ZNF426: variants seen among roughly 807,000 people sequenced by gnomAD.
ZNF426 encodes the protein CTC-543D15.7.
In ZNF426, 23 loss-of-function variants were observed where a neutral mutation model predicts 24.0. That is an observed-to-expected ratio of 0.96 (90% CI 0.69 to 1.36). The LOEUF (loss-of-function observed/expected upper bound fraction) is 1.36, where lower values mean the gene tolerates loss of function less well. Ranked by LOEUF, ZNF426 falls within the 40% of genes most tolerant of loss-of-function variation. The pLI is 0.00. For synonymous variants in ZNF426, 272 were observed against 224.6 expected, an observed-to-expected ratio of 1.21 and a Z score of -1.89; for missense variants, 646 against 658.4, an observed-to-expected ratio of 0.98 and a Z score of 0.21.
At chr19:9,532,726 T>G in intron 6 of ZNF426, 119 bp downstream of exon 6, 1 of 672,844 alleles carries the variant, frequency 1.5e-6, no homozygotes, top group Admixed American at 2.9e-5. Flanking sequence ...TTTCCTAACT[T>G]TCTCTAAACC....
Position 9,524,563 on chromosome 19 carries a change from C to A in ZNF426, c.*3817G>T, listed in dbSNP as rs1337876099. 2 of 152,078 alleles carry A rather than the reference C, an allele frequency of 1.3e-5. No homozygotes were observed. Among genetic ancestry groups the A allele is most frequent in the Non-Finnish European group, 2.9e-5 (2 of 68,028 alleles). The allele number at this position is 152,078 out of a possible 1,614,324, so 9.4% of individuals were successfully genotyped here. A position where few individuals can be genotyped will look rare whatever the true frequency, so the allele number is the denominator to read the frequency against. ...TTGGGAGGTCAAACCAGGCAGATCA[C>A]TGGAGGTCAGGAGTTCGAGACCAGC... On this transcript the variant is annotated 3_prime_UTR_variant, in exon 8 of 8. Coordinates refer to ENST00000253115, the MANE Select transcript of ZNF426 (RefSeq NM_024106.3).
rs1278051919 is a variant in ZNF426, at chr19:9,524,646, T to G, written c.*3734A>C. ...AAAATACAAAATTAGCTGGGCATGG[T>G]GGTACATGCCTGTAATCCCAGCTAC... On this transcript the variant is annotated 3_prime_UTR_variant, in exon 8 of 8. Transcript: ENST00000253115. 1 of 152,068 alleles carries G rather than the reference T, an allele frequency of 6.6e-6. No homozygotes were observed. The highest frequency in any genetic ancestry group is 6.6e-5 in the Admixed American group (1 of 15,258). The allele number at this position is 152,068 out of a possible 1,614,324, so 9.4% of individuals were successfully genotyped here. A position where few individuals can be genotyped will look rare whatever the true frequency, so the allele number is the denominator to read the frequency against.
intron 3 of ZNF426, 133 bp downstream of exon 3, chr19:9,536,075 G>C (rs2073961051): frequency 9.1e-7 from 1 of 1,102,972 alleles, no homozygotes; most frequent in Middle Eastern, 2.3e-4. Flanking sequence ...TGACTCACAA[G>C]ACAGCACGTT....
rs1456103310 is a variant in ZNF426 at position 9,523,817 on chromosome 19, A to G, written c.*4563T>C. On this transcript the variant is annotated 3_prime_UTR_variant, in exon 8 of 8. Transcript: ENST00000253115. The stretch of plus-strand genomic sequence containing the variant: ...GACAGAAAGTTGAGCTCAGGCAGTA[A>G]TGTTTGCTCATCCTACATTCACCTC... 6.6e-6 allele frequency: 1 copy of G among 152,264 alleles called. No individual in the cohort carries two copies. Among genetic ancestry groups the G allele is most frequent in the East Asian group, 1.9e-4 (1 of 5,194 alleles). 9.4% of individuals were successfully genotyped at this position (152,264 alleles called of 1,614,324 possible). A position where few individuals can be genotyped will look rare whatever the true frequency, so the allele number is the denominator to read the frequency against.
In ZNF426 at chr19:9,529,424, G is replaced by A. The variant is rs777596748; in HGVS notation, c.621C>T (p.Ser207=). The A allele has an allele frequency of 1.2e-6, 2 of 1,613,586 alleles. No individual in the cohort carries two copies. The highest frequency in any genetic ancestry group is 2.2e-5 in the East Asian group (1 of 44,882). ...TCTGGTATACAATATTTGGTGTCAG[G>A]CTGAAGATTTTTTCACTCTGATTAA... ...SEFNQSEKIF[S]LTPNIVYQRT... Residue 207 remains serine, a synonymous_variant, in exon 8 of 8, where the codon AGC becomes AGT. Coordinates refer to ENST00000253115, the MANE Select transcript of ZNF426 (RefSeq NM_024106.3).
At position 9,526,078 on chromosome 19, in the gene ZNF426, A is replaced by C. The variant is rs1259467227; in HGVS notation, c.*2302T>G. On this transcript the variant is annotated 3_prime_UTR_variant, in exon 8 of 8. Coordinates refer to ENST00000253115, the MANE Select transcript of ZNF426 (RefSeq NM_024106.3). ...TCCTGACCCAACTAAAGGGTGGGAA[A>C]AACTGAAGTTCACAGTGCAGAAGCA... 6.6e-6 allele frequency: 1 copy of C among 152,018 alleles called. No homozygotes were observed. Among genetic ancestry groups the C allele is most frequent in the East Asian group, 1.9e-4 (1 of 5,176 alleles). 9.4% of individuals were successfully genotyped at this position (152,018 alleles called of 1,614,324 possible). A position where few individuals can be genotyped will look rare whatever the true frequency, so the allele number is the denominator to read the frequency against.
chr19:9,536,428 C>A, intron 2 of ZNF426, 72 bp from the exon 3 acceptor site: 1 of 1,419,240 alleles, frequency 7.0e-7, no homozygotes, highest in South Asian at 1.4e-5. Flanking sequence ...CCGGCTGGGG[C>A]AGTAGCTCAT....
At chr19:9,534,671 T>A (rs2073938148) in intron 4 of ZNF426, among the ~76,000 whole-genome samples, 3 of 152,030 alleles carry the variant, frequency 2.0e-5, no homozygotes, top group Admixed American at 1.3e-4. Context: ...CACAGCTCAC[T>A]GCAGCCTCAA....
In ZNF426 at chr19:9,532,875, A is replaced by G; in HGVS notation, c.295T>C (p.Ser99Pro). ...AGAACTCCTCCCTGAACTGTCCTTG[A>G]CTCTTCTTGTTCCAACCAAGAGATT... ...SLISWLEQEE[S>P]RTVQGGVLQG... The change falls in exon 6 of 8, where the codon TCA (serine) becomes CCA (proline). Residue 99 changes from serine (S) to proline (P), a missense_variant. Transcript: ENST00000253115. 6.2e-7 allele frequency: 1 copy of G among 1,613,804 alleles called. No individual in the cohort carries two copies. Among genetic ancestry groups the G allele is most frequent in the South Asian group, 1.1e-5 (1 of 91,058 alleles).
chr19:9,526,514 G>T lies in ZNF426; in HGVS notation c.*1866C>A, dbSNP rs962808781. Reference sequence around the variant, plus strand: ...CTTTGGTAGGCTTATTATTGGCCAAGAAACAGCCAACTAAAGAGCTTGAGA... The same window carrying T: ...CTTTGGTAGGCTTATTATTGGCCAATAAACAGCCAACTAAAGAGCTTGAGA... On this transcript the variant is annotated 3_prime_UTR_variant, in exon 8 of 8. Coordinates refer to ENST00000253115, the MANE Select transcript of ZNF426 (RefSeq NM_024106.3). 1.3e-5 allele frequency: 2 copies of T among 151,978 alleles called. No individual in the cohort carries two copies. The highest frequency in any genetic ancestry group is 4.8e-5 in the African/African-American group (2 of 41,364). The allele number at this position is 151,978 out of a possible 1,614,324, so 9.4% of individuals were successfully genotyped here. A position where few individuals can be genotyped will look rare whatever the true frequency, so the allele number is the denominator to read the frequency against.
chr19:9,529,764 C>G (rs1013799470), intron 7 of ZNF426, 128 bp from the exon 8 acceptor site: 29 of 836,100 alleles, frequency 3.5e-5, no homozygotes, highest in Non-Finnish European at 5.1e-5. Context: ...CATTCAGGTC[C>G]TTCCCTGTAG....
Position 9,527,003 on chromosome 19 carries a change from T to G in ZNF426, c.*1377A>C, listed in dbSNP as rs2073800025. ...AATGTATTAGATTACATATGCTAAT[T>G]TGTGTGTGTTTATAGGCATAAAAGT... is the stretch of plus-strand genomic sequence containing the variant. On this transcript the variant is annotated 3_prime_UTR_variant, in exon 8 of 8. Coordinates refer to ENST00000253115, the MANE Select transcript of ZNF426 (RefSeq NM_024106.3). 1 of 152,166 alleles carries G rather than the reference T, an allele frequency of 6.6e-6. No homozygotes were observed. The highest frequency in any genetic ancestry group is 6.6e-5 in the Admixed American group (1 of 15,264). 9.4% of individuals were successfully genotyped at this position (152,166 alleles called of 1,614,324 possible). A position where few individuals can be genotyped will look rare whatever the true frequency, so the allele number is the denominator to read the frequency against.
intron 5 of ZNF426, among the ~76,000 whole-genome samples, chr19:9,533,195 C>CT: frequency 6.6e-6 from 1 of 152,154 alleles, no homozygotes; most frequent in East Asian, 1.9e-4. Flanking sequence ...CCTGTAATCC[C>CT]AGCACTTTGG....
rs1286031985 is a variant in ZNF426 at position 9,529,475 on chromosome 19, G to C, written c.570C>G (p.Thr190=). ...GKDFLTLCEK[T]STGEKLSEFN... ...ACTCAGAAAGTTTCTCACCAGTAGA[G>C]GTTTTCTCACACAGGGTAAGGAAAT... Residue 190 remains threonine (T), a synonymous_variant, in exon 8 of 8, where the codon ACC becomes ACG. Coordinates refer to ENST00000253115, the MANE Select transcript of ZNF426 (RefSeq NM_024106.3). 2 of 1,614,000 alleles carry C rather than the reference G, an allele frequency of 1.2e-6. No individual in the cohort carries two copies. Among genetic ancestry groups the C allele is most frequent in the Middle Eastern group, 3.3e-4 (2 of 6,062 alleles).
At chr19:9,533,161 A>C (rs947606849) in intron 5 of ZNF426, among the ~76,000 whole-genome samples, 2 of 152,162 alleles carry the variant, frequency 1.3e-5, no homozygotes, top group African/African-American at 4.8e-5. Context: ...AACACAAAAT[A>C]ATGGCCGAGT....
Position 9,529,425 on chromosome 19 carries a change from C to A in ZNF426, c.620G>T (p.Ser207Ile), listed in dbSNP as rs749082633. The A allele has an allele frequency of 3.1e-6, 5 of 1,613,690 alleles. No individual in the cohort carries two copies. Among genetic ancestry groups the A allele is most frequent in the Non-Finnish European group, 4.2e-6 (5 of 1,179,890 alleles). ...CTGGTATACAATATTTGGTGTCAGG[C>A]TGAAGATTTTTTCACTCTGATTAAA... ...SEFNQSEKIFSLTPNIVYQRT... is the reference protein window; with the variant it reads ...SEFNQSEKIFILTPNIVYQRT... The change falls in exon 8 of 8, where the codon AGC becomes ATC. Residue 207 changes from serine to isoleucine, a missense_variant. Coordinates refer to ENST00000253115, the MANE Select transcript of ZNF426 (RefSeq NM_024106.3).
rs2073800969 is a variant in ZNF426 at position 9,527,053 on chromosome 19, TGA to T, written c.*1325_*1326del. 6.6e-6 allele frequency: 1 copy of T among 152,214 alleles called. No individual in the cohort carries two copies. Among genetic ancestry groups the T allele is most frequent in the Admixed American group, 6.5e-5 (1 of 15,268 alleles). 9.4% of individuals were successfully genotyped at this position (152,214 alleles called of 1,614,324 possible). A position where few individuals can be genotyped will look rare whatever the true frequency, so the allele number is the denominator to read the frequency against. ...TGAAATATAGTAATGATGGAAGGTC[TGA>T]GAGGGAGGATTTAGGATTATTTTGA... On this transcript the variant is annotated 3_prime_UTR_variant, in exon 8 of 8. Coordinates refer to ENST00000253115, the MANE Select transcript of ZNF426 (RefSeq NM_024106.3).
Position 9,524,716 on chromosome 19 carries a change from G to A in ZNF426, c.*3664C>T, listed in dbSNP as rs1185667849. On this transcript the variant is annotated 3_prime_UTR_variant, in exon 8 of 8. Transcript: ENST00000253115. ...TAATCACTTGAACCTGGGTGATAGAGGTTGTAGTGAGCCAAGATTGAGCCA... is the reference window on the plus strand; with the variant it reads ...TAATCACTTGAACCTGGGTGATAGAAGTTGTAGTGAGCCAAGATTGAGCCA... The A allele has an allele frequency of 6.8e-6, 1 of 146,090 alleles. No homozygotes were observed. The highest frequency in any genetic ancestry group is 1.5e-5 in the Non-Finnish European group (1 of 67,050). The allele number at this position is 146,090 out of a possible 1,614,324, so 9.0% of individuals were successfully genotyped here.
Position 9,538,247 on chromosome 19 carries a change from C to T in ZNF426, c.-125+12G>A, listed in dbSNP as rs1056379984. Reference sequence around the variant, plus strand: ...AAAGGCCCCCTAGAACCAACTTTCACCCAGTGCTCACCGGAACACTCAGAA... The same window carrying T: ...AAAGGCCCCCTAGAACCAACTTTCATCCAGTGCTCACCGGAACACTCAGAA... On this transcript the variant is annotated intron_variant, in intron 2 of 7. Coordinates refer to ENST00000253115, the MANE Select transcript of ZNF426 (RefSeq NM_024106.3). 1 of 152,194 alleles carries T rather than the reference C, an allele frequency of 6.6e-6. No homozygotes were observed. Among genetic ancestry groups the T allele is most frequent in the African/African-American group, 2.4e-5 (1 of 41,450 alleles). The allele number at this position is 152,194 out of a possible 1,614,324, so 9.4% of individuals were successfully genotyped here.
Sources: allele counts gnomAD v4.1 joint callset (sites outside exome capture counted in the v4.1 genomes callset), GRCh38; gene constraint gnomAD v4.1.1; transcripts MANE v1.5; gene names NCBI Gene and HGNC (gene_info 2026-07-23, HGNC 2026-07-21).